The following RNF150 variants were observed in gnomAD, a reference collection of about 807,000 sequenced individuals.
RNF150 encodes the protein ring finger protein 150.
Under a neutral mutation model 39.3 loss-of-function variants are expected in RNF150, and 24 were observed. That is an observed-to-expected ratio of 0.61 (90% CI 0.44 to 0.86). The LOEUF is 0.86. RNF150 is among the 40% of genes least tolerant of loss of function. The probability of loss-of-function intolerance (pLI) is 0.00; values close to 1 mark genes in which losing one functional copy is unlikely to be tolerated. For missense variants in RNF150, 502 were observed against 587.8 expected (o/e 0.85, Z 1.51); for synonymous variants, 255 against 227.3 (o/e 1.12, Z -1.10).
chr4:141,054,648 T>C (rs1736899755), intron 1 of RNF150, among the ~76,000 whole-genome samples: 1 of 152,076 alleles, frequency 6.6e-6, no homozygotes, highest in Non-Finnish European at 1.5e-5. Context: ...CACCCCCAAT[T>C]CCTCTTACAA....
intron 1 of RNF150, among the ~76,000 whole-genome samples, chr4:141,186,328 A>G (rs996488289): frequency 1.3e-5 from 2 of 152,162 alleles, no homozygotes; most frequent in African/African-American, 4.8e-5. Context: ...AGAGGTGTTC[A>G]TAGTATTCTC....
intron 1 of RNF150, among the ~76,000 whole-genome samples, chr4:141,116,998 G>A (rs1739570165): frequency 1.3e-5 from 2 of 152,020 alleles, no homozygotes; most frequent in Admixed American, 1.3e-4. Flanking sequence ...TCAGGGGGTG[G>A]GGGGACTAGG....
intron 1 of RNF150, among the ~76,000 whole-genome samples, chr4:141,181,504 A>G (rs1727908790): frequency 6.6e-6 from 1 of 152,098 alleles, no homozygotes; most frequent in Non-Finnish European, 1.5e-5. Flanking sequence ...CCTTCATTTG[A>G]CCTCTTTGAA....
intron 1 of RNF150, among the ~76,000 whole-genome samples, chr4:141,172,746 C>T (rs144360842): frequency 1.0e-3 from 154 of 152,230 alleles, no homozygotes; most frequent in African/African-American, 3.6e-3. Context: ...AGGATATTGC[C>T]GGGCACTGTG....
chr4:140,990,436 T>C (rs1734155374), intron 1 of RNF150, among the ~76,000 whole-genome samples: 1 of 152,174 alleles, frequency 6.6e-6, no homozygotes, highest in South Asian at 2.1e-4. Flanking sequence ...GCTGCACCCA[T>C]CACCTAGGTA....
chr4:141,174,535 C>G (rs960904093), intron 1 of RNF150, among the ~76,000 whole-genome samples: 1 of 152,132 alleles, frequency 6.6e-6, no homozygotes, highest in Non-Finnish European at 1.5e-5. Flanking sequence ...AGAACCAGAT[C>G]GTGTGCTGTT....
intron 1 of RNF150, among the ~76,000 whole-genome samples, chr4:141,002,001 T>A (rs1461577019): frequency 6.6e-6 from 1 of 152,110 alleles, no homozygotes; most frequent in African/African-American, 2.4e-5. Flanking sequence ...AGTAATCAGT[T>A]TGATGTGATT....
intron 1 of RNF150, among the ~76,000 whole-genome samples, chr4:141,003,566 T>C (rs967201591): frequency 2.1e-5 from 3 of 142,558 alleles, no homozygotes; most frequent in Non-Finnish European, 3.0e-5. Flanking sequence ...CCCTAGCACG[T>C]ACACACACAC....
chr4:140,918,728 AC>A (rs1440300606), intron 5 of RNF150, among the ~76,000 whole-genome samples: 1 of 102,830 alleles, frequency 9.7e-6, no homozygotes, highest in Admixed American at 1.1e-4. Context: ...CAGACACACA[AC>A]CAAAAAAGAG....
At chr4:140,882,337 T>C (rs528787780) in intron 6 of RNF150, among the ~76,000 whole-genome samples, 12 of 152,286 alleles carry the variant, frequency 7.9e-5, no homozygotes, top group African/African-American at 2.6e-4. Context: ...TAAGACTTGT[T>C]TTGTGGCCTA....
chr4:140,869,132 T>C lies in RNF150; in HGVS notation c.1199-753A>G, dbSNP rs145807269. On this transcript the variant is annotated intron_variant, in intron 6 of 6. Transcript: ENST00000515673. The stretch of plus-strand genomic sequence containing the variant: ...AAGCATGATTTACAGTAGCAAAACA[T>C]TGCAAGTAACTTAAAGTCCAACAAT... Among the ~76,000 whole-genome samples the C allele has an allele frequency of 3.0e-4, 45 of 152,304 alleles. No individual in the cohort carries two copies. The East Asian group carries it at 8.5e-3, about 29-fold the overall frequency.
intron 4 of RNF150, among the ~76,000 whole-genome samples, chr4:140,928,695 T>C (rs1382946520): frequency 6.6e-6 from 1 of 152,002 alleles, no homozygotes; most frequent in Non-Finnish European, 1.5e-5. Context: ...TACAGGCGCC[T>C]GCCACCACGC....
intron 1 of RNF150, among the ~76,000 whole-genome samples, chr4:140,986,469 C>T (rs1734019641): frequency 6.6e-6 from 1 of 151,996 alleles, no homozygotes; most frequent in Non-Finnish European, 1.5e-5. Flanking sequence ...TCCATCATTG[C>T]AAAGCTCACG....
chr4:141,071,321 A>C (rs553804833), intron 1 of RNF150, among the ~76,000 whole-genome samples: 7 of 151,760 alleles, frequency 4.6e-5, no homozygotes, highest in Non-Finnish European at 4.4e-5. Context: ...GGCATGGCAC[A>C]TGTATACATA....
upstream of RNF150, among the ~76,000 whole-genome samples, chr4:141,136,245 T>C (rs1727024688): frequency 1.3e-5 from 2 of 152,214 alleles, no homozygotes; most frequent in Admixed American, 6.5e-5. Context: ...CTGACTTGGA[T>C]ATTTATATTG....
chr4:141,009,735 A>G (rs571430400), intron 1 of RNF150, among the ~76,000 whole-genome samples: 1 of 152,334 alleles, frequency 6.6e-6, no homozygotes, highest in African/African-American at 2.4e-5. Context: ...TCTGACAAAC[A>G]TCTAGTTTCT....
chr4:141,112,340 G>A (rs935863146), intron 1 of RNF150, among the ~76,000 whole-genome samples: 4 of 152,106 alleles, frequency 2.6e-5, no homozygotes, highest in Admixed American at 2.6e-4. Context: ...TTACAATTTG[G>A]TATGTTTTTG....
chr4:140,938,727 C>T (rs1420757336), intron 4 of RNF150, among the ~76,000 whole-genome samples: 1 of 152,128 alleles, frequency 6.6e-6, no homozygotes, highest in Non-Finnish European at 1.5e-5. Context: ...GAAAGCTTTA[C>T]CAATTGATTC....
intron 1 of RNF150, among the ~76,000 whole-genome samples, chr4:141,065,661 C>T (rs915154014): frequency 6.6e-6 from 1 of 151,812 alleles, no homozygotes; most frequent in African/African-American, 2.4e-5. Context: ...TGAAATTCAT[C>T]GTAATTTTTA....
Sources: gnomAD v4.1 joint callset for allele counts (sites outside exome capture counted in the v4.1 genomes callset) on GRCh38, gnomAD v4.1.1 for gene constraint, MANE v1.5 for transcripts, NCBI Gene and HGNC (gene_info 2026-07-23, HGNC 2026-07-21) for gene names.